The following ZC3H12B variants were observed in gnomAD, a reference collection of about 807,000 sequenced individuals.
The protein encoded by ZC3H12B is probable ribonuclease ZC3H12B.
In ZC3H12B, 7 loss-of-function variants were observed where a neutral mutation model predicts 43.9. The observed-to-expected ratio is 0.16, with a 90% CI of 0.09 to 0.30. The LOEUF is 0.30. ZC3H12B is among the 10% of genes least tolerant of loss of function. The pLI is 1.00. For missense variants in ZC3H12B, 475 were observed against 670.2 expected (o/e 0.71, Z 3.22); for synonymous variants, 222 against 241.7 (o/e 0.92, Z 0.76).
intron 2 of ZC3H12B, among the ~76,000 whole-genome samples, chrX:65,394,375 TG>T (rs760562436): frequency 4.7e-4 from 53 of 112,680 alleles, no homozygotes; most frequent in African/African-American, 1.6e-3. Flanking sequence ...AGCTAATTTT[TG>T]TATTAGGTGT....
chrX:65,286,604 TAC>T, the ZC3H12B span, among the ~76,000 whole-genome samples: 6 of 110,502 alleles, frequency 5.4e-5, no homozygotes, highest in South Asian at 3.8e-4. Flanking sequence ...TGTGTGTATA[TAC>T]ACACACACAC....
the ZC3H12B span, among the ~76,000 whole-genome samples, chrX:65,128,800 T>C: frequency 8.9e-6 from 1 of 111,949 alleles, no homozygotes; most frequent in Admixed American, 9.5e-5. Context: ...AATATAATTT[T>C]CTCCTTTGTC....
At chrX:65,270,789 A>G in the ZC3H12B span, 14 of 111,861 alleles carry the variant, frequency 1.3e-4, no homozygotes, top group Admixed American at 1.3e-3. Context: ...AGGCAATAGA[A>G]TTATACCACT....
the ZC3H12B span, among the ~76,000 whole-genome samples, chrX:65,122,350 C>T: frequency 9.0e-6 from 1 of 110,937 alleles, no homozygotes; most frequent in Non-Finnish European, 1.9e-5. Flanking sequence ...GATTTTGTCA[C>T]CACCAGGCCT....
At chrX:65,142,663 A>T in the ZC3H12B span, among the ~76,000 whole-genome samples, 1 of 112,136 alleles carries the variant, frequency 8.9e-6, no homozygotes, top group Admixed American at 9.4e-5. Context: ...ATCCATCTTG[A>T]GTTGATTTAT....
intron 1 of ZC3H12B, among the ~76,000 whole-genome samples, chrX:65,368,212 A>C (rs181265283): frequency 1.5e-3 from 167 of 111,899 alleles, no homozygotes; most frequent in Non-Finnish European, 2.5e-3. Flanking sequence ...TGTTTCTGTC[A>C]AGTTTGTAAA....
chrX:65,389,244 C>G (rs1382964615), intron 2 of ZC3H12B, among the ~76,000 whole-genome samples: 1 of 112,417 alleles, frequency 8.9e-6, no homozygotes, highest in Non-Finnish European at 1.9e-5. Context: ...GTGGAGTCTA[C>G]AGAGTCAGGC....
the ZC3H12B span, among the ~76,000 whole-genome samples, chrX:65,223,748 G>T: frequency 8.9e-6 from 1 of 112,188 alleles, no homozygotes; most frequent in Non-Finnish European, 1.9e-5. Flanking sequence ...TCAGGGAAAT[G>T]CAAATCAAAA....
At chrX:65,262,859 CT>C in the ZC3H12B span, among the ~76,000 whole-genome samples, 5 of 110,505 alleles carry the variant, frequency 4.5e-5, no homozygotes, top group African/African-American at 1.6e-4. Flanking sequence ...TTCTCTTTCT[CT>C]CCCTCTCCAC....
At chrX:65,323,503 T>A in the ZC3H12B span, among the ~76,000 whole-genome samples, 1 of 112,377 alleles carries the variant, frequency 8.9e-6, no homozygotes, top group East Asian at 2.8e-4. Flanking sequence ...TTCATCCATG[T>A]TCCTGCAAAG....
At chrX:65,155,981 G>GT in the ZC3H12B span, among the ~76,000 whole-genome samples, 1 of 110,797 alleles carries the variant, frequency 9.0e-6, no homozygotes, top group Non-Finnish European at 1.9e-5. Context: ...TATTAAGGAT[G>GT]TTTTTTCCAC....
At chrX:65,198,679 T>C in the ZC3H12B span, among the ~76,000 whole-genome samples, 3 of 111,981 alleles carry the variant, frequency 2.7e-5, no homozygotes, top group Non-Finnish European at 5.6e-5. Flanking sequence ...TGAGGTTGTC[T>C]TCTTTGGATT....
intron 3 of ZC3H12B, among the ~76,000 whole-genome samples, chrX:65,451,314 G>T (rs1408220065): frequency 9.1e-6 from 1 of 110,424 alleles, no homozygotes; most frequent in Non-Finnish European, 1.9e-5. Flanking sequence ...TTCTTGATTT[G>T]TTCCTTATCA....
chrX:65,329,180 T>G, the ZC3H12B span, among the ~76,000 whole-genome samples: 1 of 111,334 alleles, frequency 9.0e-6, no homozygotes, highest in South Asian at 3.8e-4. Flanking sequence ...GTAAAAGTGT[T>G]CCTATTTCTC....
At chrX:65,234,506 C>A in the ZC3H12B span, among the ~76,000 whole-genome samples, 3 of 111,919 alleles carry the variant, frequency 2.7e-5, no homozygotes, top group Admixed American at 2.8e-4. Context: ...AAAGTCCTAG[C>A]CACAGCAGTT....
chrX:65,342,946 CA>C, the ZC3H12B span, among the ~76,000 whole-genome samples: 1 of 110,115 alleles, frequency 9.1e-6, no homozygotes, highest in Admixed American at 9.7e-5. Flanking sequence ...AAAAGGAAGA[CA>C]TTCCAAATGA....
chrX:65,192,107 G>A, the ZC3H12B span, among the ~76,000 whole-genome samples: 11 of 109,261 alleles, frequency 1.0e-4, no homozygotes, highest in Admixed American at 3.0e-4. Context: ...GTAGTTGAGC[G>A]GCTTTGAGTG....
chrX:65,380,459 G>T (rs992186066), intron 2 of ZC3H12B, among the ~76,000 whole-genome samples: 15 of 111,209 alleles, frequency 1.3e-4, no homozygotes, highest in Non-Finnish European at 2.3e-4. Context: ...TGAAGGAAGC[G>T]CTAAACATGG....
At chrX:65,475,222 C>CTTGTTG (rs2067976556) in intron 3 of ZC3H12B, among the ~76,000 whole-genome samples, 2 of 111,899 alleles carry the variant, frequency 1.8e-5, no homozygotes, top group African/African-American at 6.5e-5. Context: ...TTATGCACCA[C>CTTGTTG]CATTACATTG....
Sources: allele counts gnomAD v4.1 joint callset (sites outside exome capture counted in the v4.1 genomes callset), GRCh38; gene constraint gnomAD v4.1.1; transcripts MANE v1.5; gene names NCBI Gene and HGNC (gene_info 2026-07-23, HGNC 2026-07-21).